INF2: variants seen among roughly 807,000 people sequenced by gnomAD.
INF2 encodes inverted formin-2.
In INF2, 43 loss-of-function variants were observed where a neutral mutation model predicts 123.5. That is an observed-to-expected ratio of 0.35 (90% confidence interval 0.27 to 0.45). INF2 has a LOEUF of 0.45. Ranked by LOEUF, INF2 falls within the 20% of genes least tolerant of loss-of-function variation. The pLI is 1.00. For synonymous variants in INF2, 851 were observed against 745.0 expected, an observed-to-expected ratio of 1.14 and a Z score of -2.32; for missense variants, 1,453 against 1,682.7, an observed-to-expected ratio of 0.86 and a Z score of 2.39.
chr14:104,696,540 C>T (rs1420576092), intron 1 of INF2, among the ~76,000 whole-genome samples: 2 of 152,196 alleles, frequency 1.3e-5, no homozygotes, highest in Non-Finnish European at 2.9e-5. Flanking sequence ...GAAGGTGACA[C>T]ATGCTGGAGG....
In INF2 at chr14:104,684,058, G is replaced by C; in HGVS notation, c.-104+2476G>C. On this transcript the variant is annotated intron_variant, in intron 1 of 2. Coordinates refer to the INF2 transcript ENST00000674723. This position sits in a 1 kb window ranked among gnomAD's most constrained non-coding sequence, Gnocchi z 5.0. ...GCAAGGCCCAGTGTCTTCTCACCTC[G>C]TTAGGTGGAGAACCCCTTCTTTAAG... 2.2e-6 allele frequency: 1 copy of C among 456,022 alleles called. No individual in the cohort carries two copies. The allele number at this position is 456,022 out of a possible 1,614,324, so 28.2% of individuals were successfully genotyped here.
chr14:104,710,820 A>G (rs1357433484), intron 13 of INF2, 117 bp from the exon 14 acceptor site: 2 of 852,808 alleles, frequency 2.3e-6, no homozygotes, highest in Non-Finnish European at 3.7e-6. Flanking sequence ...TGCTGGGCTG[A>G]GCCTGGGGAG....
chr14:104,712,690 C>T, intron 17 of INF2, 137 bp downstream of exon 17: 1 of 1,494,158 alleles, frequency 6.7e-7, no homozygotes, highest in South Asian at 1.2e-5. Context: ...GGTCAGGGCA[C>T]AGGCCCCTGC....
chr14:104,708,272 G>A (rs919356073), intron 8 of INF2, 164 bp from the exon 9 acceptor site: 2 of 948,644 alleles, frequency 2.1e-6, no homozygotes, highest in Middle Eastern at 3.4e-4. Context: ...CCTGCTACAG[G>A]TGCTCAGGTA....
At chr14:104,708,070 G>A in intron 8 of INF2, 68 bp downstream of exon 8, 1 of 1,594,384 alleles carries the variant, frequency 6.3e-7, no homozygotes, top group Non-Finnish European at 8.5e-7. Flanking sequence ...TGGGGAGAGG[G>A]GCAGGTGGCA....
At chr14:104,712,320 C>A in intron 16 of INF2, 113 bp from the exon 17 acceptor site, 1 of 1,398,240 alleles carries the variant, frequency 7.2e-7, no homozygotes, top group Non-Finnish European at 9.9e-7. Flanking sequence ...CCTCAGAGTA[C>A]AGCCTGCAGG....
intron 18 of INF2, 61 bp from the exon 19 acceptor site, chr14:104,713,146 G>A: frequency 6.3e-7 from 1 of 1,590,432 alleles, no homozygotes; most frequent in Non-Finnish European, 8.5e-7. Flanking sequence ...GGGACGCCCA[G>A]GCCCATGGAG....
At chr14:104,706,885 C>G (rs149804029) in intron 6 of INF2, 25 bp from the exon 7 acceptor site, 21 of 1,601,678 alleles carry the variant, frequency 1.3e-5, no homozygotes, top group Non-Finnish European at 1.7e-5. Context: ...GGCTGCTGAC[C>G]TGCACCCCAC....
Position 104,693,719 on chromosome 14 carries a change from T to C in INF2, c.-10+3980T>C, listed in dbSNP as rs145324203. On this transcript the variant is annotated intron_variant, in intron 1 of 22. Transcript: ENST00000392634. ...CTGAGCTGTCCTGGCCCTCGCCGGGTCGGGGGTGGACGTGGCCAGCTGTGC... is the reference window on the plus strand; with the variant it reads ...CTGAGCTGTCCTGGCCCTCGCCGGGCCGGGGGTGGACGTGGCCAGCTGTGC... Among the ~76,000 whole-genome samples the C allele has an allele frequency of 4.9e-4, 74 of 152,204 alleles. 2 individuals carry two copies. The East Asian group carries it at 8.7e-3, about 18-fold the overall frequency.
chr14:104,689,602 C>G, upstream of INF2: 1 of 803,402 alleles, frequency 1.2e-6, no homozygotes, highest in Non-Finnish European at 1.5e-6. Flanking sequence ...CCGCCCGCCC[C>G]GCCCGCCCCG....
intron 13 of INF2, 167 bp from the exon 14 acceptor site, chr14:104,710,770 G>A (rs564563678): frequency 1.6e-6 from 1 of 621,978 alleles, no homozygotes; most frequent in Non-Finnish European, 2.8e-6. Context: ...CGTCGGTGGA[G>A]GGTTTGCAGC....
chr14:104,710,728 C>T (rs915476070), intron 13 of INF2: 12 of 591,176 alleles, frequency 2.0e-5, no homozygotes, highest in African/African-American at 1.5e-4. Context: ...GCACAGCTCA[C>T]GTCTGTCAGG....
intron 1 of INF2, among the ~76,000 whole-genome samples, chr14:104,700,633 G>C (rs1889433887): frequency 6.6e-6 from 1 of 152,124 alleles, no homozygotes; most frequent in Non-Finnish European, 1.5e-5. Context: ...GCACGTGTTG[G>C]GGCTCTTCTG....
intron 1 of INF2, among the ~76,000 whole-genome samples, chr14:104,692,088 G>A (rs546484472): frequency 2.6e-5 from 4 of 152,322 alleles, no homozygotes; most frequent in Non-Finnish European, 2.9e-5. Context: ...GTCCCCGAGG[G>A]CCAGCCTCAG....
chr14:104,697,197 T>C (rs1022923633), intron 1 of INF2, among the ~76,000 whole-genome samples: 4 of 152,182 alleles, frequency 2.6e-5, no homozygotes, highest in African/African-American at 7.2e-5. Flanking sequence ...TCCAGGCCCA[T>C]TGGTGCTGGC....
intron 22 of INF2, among the ~76,000 whole-genome samples, chr14:104,716,228 T>G (rs1263688037): frequency 6.6e-6 from 1 of 152,204 alleles, no homozygotes; most frequent in Non-Finnish European, 1.5e-5. Flanking sequence ...CCGCTGGGCC[T>G]GGGGCTTAGG....
At chr14:104,698,333 A>AC (rs1307050277) in intron 1 of INF2, among the ~76,000 whole-genome samples, 3 of 152,014 alleles carry the variant, frequency 2.0e-5, no homozygotes, top group Non-Finnish European at 4.4e-5. Flanking sequence ...AGTGGACACC[A>AC]CCCCCCAGTG....
At chr14:104,703,241 C>G (rs1460117365) in intron 3 of INF2, 21 bp downstream of exon 3, 1 of 1,613,050 alleles carries the variant, frequency 6.2e-7, no homozygotes, top group Non-Finnish European at 8.5e-7. Flanking sequence ...GGGCCTGGGC[C>G]TGGGCACATG....
At chr14:104,681,706 C>A (rs1888526935) in intron 1 of INF2, 1 of 774,486 alleles carries the variant, frequency 1.3e-6, no homozygotes, top group Non-Finnish European at 1.9e-6. Context: ...TCCCGGAGGG[C>A]AGCACGCTGG....
Sources: allele counts gnomAD v4.1 joint callset (sites outside exome capture counted in the v4.1 genomes callset), GRCh38; gene constraint gnomAD v4.1.1; non-coding constraint Gnocchi (gnomAD v3.1); transcripts MANE v1.5; gene names NCBI Gene and HGNC (gene_info 2026-07-23, HGNC 2026-07-21).